The following HORMAD2 variants were observed in gnomAD, a reference collection of about 807,000 sequenced individuals.
HORMAD2 encodes the protein HORMA domain-containing protein 2.
In HORMAD2, 45 loss-of-function variants were observed where a neutral mutation model predicts 38.8. The ratio of observed to expected loss-of-function variants is 1.16; its 90% CI spans 0.91 to 1.49. The LOEUF is 1.49. HORMAD2 is among the 40% of genes most tolerant of loss of function. The probability of loss-of-function intolerance (pLI) is 0.00; values close to 1 mark genes in which losing one functional copy is unlikely to be tolerated. For synonymous variants in HORMAD2, 126 were observed against 122.8 expected, an observed-to-expected ratio of 1.03 and a Z score of -0.17; for missense variants, 338 against 367.0, an observed-to-expected ratio of 0.92 and a Z score of 0.65.
chr22:30,084,324 T>G (rs1331295031), intron 1 of HORMAD2, among the ~76,000 whole-genome samples: 9 of 151,916 alleles, frequency 5.9e-5, no homozygotes. Context: ...AGAGAGTGAG[T>G]GTGCCAAACT....
chr22:30,181,445 C>G (rs781413195), downstream of HORMAD2, among the ~76,000 whole-genome samples: 2 of 152,090 alleles, frequency 1.3e-5, no homozygotes, highest in Non-Finnish European at 2.9e-5. Context: ...TTCCCTAAAT[C>G]GAAACTCCCT....
chr22:30,144,306 A>T (rs909565781), intron 10 of HORMAD2, among the ~76,000 whole-genome samples: 1 of 152,252 alleles, frequency 6.6e-6, no homozygotes, highest in African/African-American at 2.4e-5. Context: ...CCACAGGAGG[A>T]CTTCTCTCAG....
intron 10 of HORMAD2, among the ~76,000 whole-genome samples, chr22:30,130,555 C>T (rs1256169982): frequency 6.7e-6 from 1 of 149,104 alleles, no homozygotes; most frequent in East Asian, 1.9e-4. Flanking sequence ...CCCCCACACA[C>T]TTTCAGGACA....
At chr22:30,109,325 T>C (rs1393702926) in intron 5 of HORMAD2, among the ~76,000 whole-genome samples, 2 of 148,098 alleles carry the variant, frequency 1.4e-5, no homozygotes, top group East Asian at 4.1e-4. Flanking sequence ...TGCCCGGCCC[T>C]CTCTTTCTTT....
intron 10 of HORMAD2, among the ~76,000 whole-genome samples, chr22:30,158,331 G>A (rs555625563): frequency 1.3e-5 from 2 of 151,914 alleles, no homozygotes; most frequent in Non-Finnish European, 2.9e-5. Flanking sequence ...ATAAGGAAGA[G>A]AATAAAACAC....
chr22:30,081,229 T>G (rs1236948057), intron 1 of HORMAD2: 2 of 152,268 alleles, frequency 1.3e-5, no homozygotes, highest in East Asian at 3.9e-4. Flanking sequence ...TAATCTAATT[T>G]CTCCTCCATT....
chr22:30,126,644 A>G (rs1368860776), intron 10 of HORMAD2, among the ~76,000 whole-genome samples: 1 of 152,228 alleles, frequency 6.6e-6, no homozygotes, highest in African/African-American at 2.4e-5. Flanking sequence ...TGCTTTGAAT[A>G]TTCTGGAACA....
chr22:30,134,900 A>G (rs1356925106), intron 10 of HORMAD2, among the ~76,000 whole-genome samples: 1 of 152,162 alleles, frequency 6.6e-6, no homozygotes, highest in Non-Finnish European at 1.5e-5. Context: ...TAATAATAAT[A>G]GCCACCATTT....
At chr22:30,182,975 G>A in the HORMAD2 span, among the ~76,000 whole-genome samples, 140,352 of 152,240 alleles carry the variant, frequency 0.92, 64,776 homozygotes, top group East Asian at 1. Context: ...TAACATAAAC[G>A]CTTTCTCATA....
chr22:30,098,708 C>A, intron 2 of HORMAD2, 144 bp from the exon 3 acceptor site: 1 of 601,414 alleles, frequency 1.7e-6, no homozygotes, highest in Non-Finnish European at 2.6e-6. Flanking sequence ...ATGTAATATT[C>A]AAAGCGCTAT....
intron 10 of HORMAD2, among the ~76,000 whole-genome samples, chr22:30,148,930 GA>G (rs1924584550): frequency 6.6e-6 from 1 of 152,104 alleles, no homozygotes; most frequent in Admixed American, 6.5e-5. Flanking sequence ...AGTGAGCTGA[GA>G]TAGTGCCACT....
At position 30,122,014 on chromosome 22, in the gene HORMAD2, C is replaced by T. The variant is rs1274174724; in HGVS notation, c.619C>T (p.His207Tyr). 1.9e-6 allele frequency: 3 copies of T among 1,612,850 alleles called. No homozygotes were observed. The highest frequency in any genetic ancestry group is 2.5e-6 in the Non-Finnish European group (3 of 1,179,372). ...CGGTTTTAAAGAAGGGGTAAATTCA[C>T]ACTTCCTGCTGTTTGACAAGGAGCC... ...PLGFKEGVNSHFLLFDKEPIN... is the reference protein window; with the variant it reads ...PLGFKEGVNSYFLLFDKEPIN... The change falls in exon 10 of 11, where the codon CAC becomes TAC. Residue 207 changes from histidine (H) to tyrosine (Y), a missense_variant. Physicochemically the swap from His to Tyr is moderately conservative, Grantham distance 83. Transcript: ENST00000336726.
At chr22:30,102,061 C>CT (rs1234677537) in intron 3 of HORMAD2, among the ~76,000 whole-genome samples, 3 of 151,682 alleles carry the variant, frequency 2.0e-5, no homozygotes. Context: ...CAGTGAGACT[C>CT]TGTCTCAAAA....
chr22:30,148,407 G>A (rs1179326133), intron 10 of HORMAD2, among the ~76,000 whole-genome samples: 3 of 152,124 alleles, frequency 2.0e-5, no homozygotes, highest in Non-Finnish European at 2.9e-5. Context: ...GAGGCATAGA[G>A]GAACTTTTTT....
At chr22:30,160,360 A>G (rs543574925) in intron 10 of HORMAD2, among the ~76,000 whole-genome samples, 2 of 152,200 alleles carry the variant, frequency 1.3e-5, no homozygotes, top group South Asian at 2.1e-4. Flanking sequence ...TCACCTCCGT[A>G]AAAGACCAAG....
At chr22:30,110,146 T>A (rs182465731) in intron 5 of HORMAD2, among the ~76,000 whole-genome samples, 7 of 152,280 alleles carry the variant, frequency 4.6e-5, no homozygotes, top group Admixed American at 4.6e-4. Flanking sequence ...TTAAGTATTA[T>A]AAGTAATCTA....
chr22:30,144,994 T>C (rs1379013777), intron 10 of HORMAD2, among the ~76,000 whole-genome samples: 2 of 152,130 alleles, frequency 1.3e-5, no homozygotes, highest in Non-Finnish European at 2.9e-5. Flanking sequence ...TGGAGTGGAA[T>C]GTAACTGAGC....
intron 4 of HORMAD2, 69 bp downstream of exon 4, chr22:30,103,569 C>A: frequency 3.2e-6 from 2 of 627,956 alleles, no homozygotes; most frequent in Non-Finnish European, 2.7e-6. Flanking sequence ...ACCCATAAGA[C>A]TTTATTTAGT....
intron 1 of HORMAD2, among the ~76,000 whole-genome samples, chr22:30,083,311 A>G (rs1047459425): frequency 6.6e-6 from 1 of 152,216 alleles, no homozygotes; most frequent in Non-Finnish European, 1.5e-5. Flanking sequence ...TGAAGTTTCA[A>G]ATATGTGTGG....
Sources: gnomAD v4.1 joint callset for allele counts (sites outside exome capture counted in the v4.1 genomes callset) on GRCh38, gnomAD v4.1.1 for gene constraint, MANE v1.5 for transcripts, NCBI Gene and HGNC (gene_info 2026-07-23, HGNC 2026-07-21) for gene names.